Variants in SORCS3 observed in about 807,000 individuals in gnomAD.
SORCS3 encodes the protein sortilin related VPS10 domain containing receptor 3.
In SORCS3, 57 loss-of-function variants were observed where a neutral mutation model predicts 146.3. The ratio of observed to expected loss-of-function variants is 0.39; its 90% CI spans 0.31 to 0.49. The LOEUF is 0.49. Ranked by LOEUF, SORCS3 falls within the 20% of genes least tolerant of loss-of-function variation. The pLI is 0.92. For missense variants in SORCS3, 1,341 were observed against 1,575.5 expected (o/e 0.85, Z 2.52); for synonymous variants, 653 against 618.5 (o/e 1.06, Z -0.83).
chr10:105,056,353 TC>T (rs1475362021), intron 5 of SORCS3, among the ~76,000 whole-genome samples: 1 of 152,204 alleles, frequency 6.6e-6, no homozygotes, highest in Admixed American at 6.6e-5. Context: ...TGCAGAATGT[TC>T]TCTGAGGCAC....
At chr10:104,750,950 T>C (rs1235474686) in intron 1 of SORCS3, among the ~76,000 whole-genome samples, 2 of 152,180 alleles carry the variant, frequency 1.3e-5, no homozygotes, top group Non-Finnish European at 2.9e-5. Flanking sequence ...ATTTCTTAGT[T>C]CGGAATATCG....
At chr10:105,139,555 T>C in intron 8 of SORCS3, 69 bp downstream of exon 8, 3 of 1,222,034 alleles carry the variant, frequency 2.5e-6, no homozygotes, top group Non-Finnish European at 3.6e-6. Flanking sequence ...GCTGCTTTGT[T>C]GGGCTACTGG....
At chr10:105,211,827 A>T (rs1390982479) in intron 17 of SORCS3, among the ~76,000 whole-genome samples, 1 of 152,198 alleles carries the variant, frequency 6.6e-6, no homozygotes, top group Non-Finnish European at 1.5e-5. Flanking sequence ...TGCTGCCTCT[A>T]TAACCAAGAA....
Position 105,185,481 on chromosome 10 carries a change from C to G in SORCS3, c.2009+7308C>G, listed in dbSNP as rs900481143. 4.6e-5 allele frequency among the ~76,000 whole-genome samples: 7 copies of G among 152,270 alleles called. No individual in the cohort carries two copies. In the East Asian group the frequency reaches 1.2e-3, roughly 25 times the overall value. ...GTACACATGTCCTCTCCGGCTGTCCCGTTTCACTCCTTGTTCGTTGAAGTT... is the reference window on the plus strand; with the variant it reads ...GTACACATGTCCTCTCCGGCTGTCCGGTTTCACTCCTTGTTCGTTGAAGTT... On this transcript the variant is annotated intron_variant, in intron 14 of 26. Coordinates refer to ENST00000369701, the MANE Select transcript of SORCS3 (RefSeq NM_014978.3).
At chr10:104,706,946 A>G (rs2016344465) in intron 1 of SORCS3, among the ~76,000 whole-genome samples, 1 of 152,180 alleles carries the variant, frequency 6.6e-6, no homozygotes. Flanking sequence ...CTTGCAATCT[A>G]GGGACTGTGG....
intron 1 of SORCS3, among the ~76,000 whole-genome samples, chr10:104,699,713 CTTTAATGTCAGT>C (rs1165064635): frequency 2.0e-5 from 3 of 152,124 alleles, no homozygotes; most frequent in Admixed American, 2.0e-4. Context: ...GATATGGGGT[CTTTAATGTCAGT>C]TTGAAATGTC....
At chr10:105,250,586 A>T (rs993285990) in intron 22 of SORCS3, among the ~76,000 whole-genome samples, 1 of 152,062 alleles carries the variant, frequency 6.6e-6, no homozygotes, top group African/African-American at 2.4e-5. Flanking sequence ...AAAGGGTCAC[A>T]CCAGTCAAGG....
intron 1 of SORCS3, among the ~76,000 whole-genome samples, chr10:104,690,752 T>C (rs2016101186): frequency 6.6e-6 from 1 of 152,178 alleles, no homozygotes; most frequent in South Asian, 2.1e-4. Flanking sequence ...ACAACAGGCA[T>C]TCTCCTATGG....
At chr10:104,857,281 T>C (rs990007117) in intron 2 of SORCS3, among the ~76,000 whole-genome samples, 24 of 152,070 alleles carry the variant, frequency 1.6e-4, no homozygotes, top group African/African-American at 5.3e-4. Flanking sequence ...GGTGCCAGAC[T>C]GAGCAGTTTG....
intron 1 of SORCS3, among the ~76,000 whole-genome samples, chr10:104,841,118 T>C (rs759503018): frequency 2.0e-5 from 3 of 152,182 alleles, no homozygotes; most frequent in Non-Finnish European, 4.4e-5. Context: ...TCTGGCAACT[T>C]GCTAGACACT....
intron 1 of SORCS3, among the ~76,000 whole-genome samples, chr10:104,672,706 T>G (rs925816429): frequency 6.6e-6 from 1 of 152,108 alleles, no homozygotes; most frequent in African/African-American, 2.4e-5. Context: ...TTTTCTTTGC[T>G]GCATTGTTTG....
chr10:104,822,454 A>C (rs1045217019), intron 1 of SORCS3, among the ~76,000 whole-genome samples: 1 of 152,234 alleles, frequency 6.6e-6, no homozygotes, highest in Non-Finnish European at 1.5e-5. Flanking sequence ...CTGGTGAATC[A>C]ATACAAATAA....
At chr10:105,074,135 T>G (rs2055574262) in intron 5 of SORCS3, among the ~76,000 whole-genome samples, 1 of 152,166 alleles carries the variant, frequency 6.6e-6, no homozygotes, top group Non-Finnish European at 1.5e-5. Flanking sequence ...TGCCACAGAG[T>G]AGGTCATTCA....
intron 7 of SORCS3, among the ~76,000 whole-genome samples, chr10:105,114,014 GA>G (rs1390667802): frequency 6.6e-6 from 1 of 152,088 alleles, no homozygotes; most frequent in Non-Finnish European, 1.5e-5. Context: ...CGTTTCTAGT[GA>G]TTATCCTGGA....
At chr10:105,178,259 C>G (rs1026938636) in intron 14 of SORCS3, 86 bp downstream of exon 14, 10 of 1,069,534 alleles carry the variant, frequency 9.3e-6, no homozygotes, top group African/African-American at 1.6e-5. Context: ...CCCAGGGAAC[C>G]CTACACCAAA....
chr10:105,039,143 A>C (rs916796975), intron 4 of SORCS3, among the ~76,000 whole-genome samples: 1 of 152,194 alleles, frequency 6.6e-6, no homozygotes, highest in African/African-American at 2.4e-5. Context: ...GACTGAATGA[A>C]TAAGTGATTA....
intron 3 of SORCS3, among the ~76,000 whole-genome samples, chr10:104,972,744 G>A (rs1354123610): frequency 2.0e-5 from 3 of 152,098 alleles, no homozygotes. Flanking sequence ...GAATAGGAGT[G>A]TTGAGAGAGG....
At chr10:104,926,370 G>A (rs572191823) in intron 3 of SORCS3, among the ~76,000 whole-genome samples, 17 of 152,180 alleles carry the variant, frequency 1.1e-4, no homozygotes, top group African/African-American at 3.4e-4. Flanking sequence ...GTTACCAAGC[G>A]GCTAGAGCAG....
At chr10:105,175,261 G>A (rs927927842) in intron 13 of SORCS3, among the ~76,000 whole-genome samples, 6 of 143,354 alleles carry the variant, frequency 4.2e-5, no homozygotes, top group Non-Finnish European at 6.0e-5. Flanking sequence ...GGGCTTCACC[G>A]TGTTAGTCAG....
Sources: allele counts gnomAD v4.1 joint callset (sites outside exome capture counted in the v4.1 genomes callset), GRCh38; gene constraint gnomAD v4.1.1; transcripts MANE v1.5; gene names NCBI Gene and HGNC (gene_info 2026-07-23, HGNC 2026-07-21).